The following TNNI3K variants were observed in gnomAD, a reference collection of about 807,000 sequenced individuals.
TNNI3K encodes TNNI3 interacting kinase, also known as serine/threonine-protein kinase TNNI3K.
TNNI3K carries 140 observed loss-of-function variants against 114.5 expected under a neutral mutation model. That is an observed-to-expected ratio of 1.22 (90% CI 1.07 to 1.41). TNNI3K has a LOEUF of 1.41. Ranked by LOEUF, TNNI3K falls within the 40% of genes most tolerant of loss-of-function variation. The pLI is 0.00. For synonymous variants in TNNI3K, 347 were observed against 347.5 expected (o/e 1.00, Z 0.02); for missense variants, 1,125 against 1,007.6 (o/e 1.12, Z -1.58).
At chr1:74,314,610 C>T (rs143181943) in intron 5 of TNNI3K, among the ~76,000 whole-genome samples, 39 of 152,218 alleles carry the variant, frequency 2.6e-4, no homozygotes, top group African/African-American at 9.1e-4. Context: ...ACCCTAAGTA[C>T]AGCATCCTTT....
chr1:74,401,798 CT>C (rs920794493), intron 17 of TNNI3K: 5 of 447,322 alleles, frequency 1.1e-5, no homozygotes, highest in Non-Finnish European at 2.2e-5. Context: ...ATTCAAATCT[CT>C]TCTTATTTTA....
intron 5 of TNNI3K, among the ~76,000 whole-genome samples, chr1:74,326,942 G>A (rs761308028): frequency 1.1e-4 from 16 of 152,088 alleles, no homozygotes; most frequent in Admixed American, 6.5e-4. Context: ...TTAGCTGGGC[G>A]TGGTGGTGCA....
intron 4 of TNNI3K, among the ~76,000 whole-genome samples, chr1:74,260,649 T>G (rs898390926): frequency 2.0e-5 from 3 of 152,252 alleles, no homozygotes; most frequent in Admixed American, 1.3e-4. Flanking sequence ...ACTCTAACTT[T>G]GACAAACATT....
intron 23 of TNNI3K, among the ~76,000 whole-genome samples, chr1:74,518,942 T>C (rs1372787710): frequency 9.4e-6 from 1 of 106,106 alleles, no homozygotes; most frequent in East Asian, 2.8e-4. Context: ...GCAGGTTAGT[T>C]ACATATGTAT....
At chr1:74,245,328 G>T (rs1654488292) in intron 2 of TNNI3K, among the ~76,000 whole-genome samples, 1 of 152,166 alleles carries the variant, frequency 6.6e-6, no homozygotes, top group Admixed American at 6.5e-5. Flanking sequence ...TTCTATTAAT[G>T]AAATCCTTGT....
intron 17 of TNNI3K, among the ~76,000 whole-genome samples, chr1:74,380,240 G>A (rs757819538): frequency 1.3e-5 from 2 of 152,080 alleles, no homozygotes; most frequent in Non-Finnish European, 2.9e-5. Context: ...CTGTATAACA[G>A]CACAGAAAGG....
chr1:74,352,553 C>G (rs1433552059), intron 9 of TNNI3K, among the ~76,000 whole-genome samples: 2 of 152,192 alleles, frequency 1.3e-5, no homozygotes, highest in African/African-American at 4.8e-5. Flanking sequence ...TTGTCTGTGC[C>G]GTGCCCCCAG....
At position 74,512,007 on chromosome 1, in the gene TNNI3K, G is replaced by A. The variant is rs147427888; in HGVS notation, c.2351+19741G>A. Among the ~76,000 whole-genome samples, 233 of 152,314 alleles carry A rather than the reference G, an allele frequency of 1.5e-3. 3 individuals carry two copies. In the East Asian group the frequency reaches 0.031, roughly 20 times the overall value. On this transcript the variant is annotated intron_variant, in intron 23 of 24. Transcript: ENST00000326637. Reference sequence around the variant, plus strand: ...TAAGTTCAGTACCCAAGGAAAATCGGAAGGAAGAGGGCAGCTTTCCTTCAT... The same window carrying A: ...TAAGTTCAGTACCCAAGGAAAATCGAAAGGAAGAGGGCAGCTTTCCTTCAT...
intron 19 of TNNI3K, 25 bp from the exon 20 acceptor site, chr1:74,439,465 C>T: frequency 6.2e-7 from 1 of 1,604,546 alleles, no homozygotes. Flanking sequence ...TGGTAAATGG[C>T]TTGTGGATGT....
intron 17 of TNNI3K, among the ~76,000 whole-genome samples, chr1:74,435,108 A>G (rs1251357625): frequency 2.6e-5 from 4 of 152,096 alleles, no homozygotes; most frequent in Non-Finnish European, 5.9e-5. Flanking sequence ...TTTACAAGCC[A>G]AATGTAAAAT....
In TNNI3K at chr1:74,492,191, A is replaced by T. The variant is rs1669114228; in HGVS notation, c.2276A>T (p.His759Leu). ...AACCGGGGAGGACCTGGCCGGAGTCATGTGGCAGCATTAAGAAGTCGTTTC... is the reference window on the plus strand; with the variant it reads ...AACCGGGGAGGACCTGGCCGGAGTCTTGTGGCAGCATTAAGAAGTCGTTTC... ...LVNRGGPGRSHVAALRSRFEL... is the reference protein window; with the variant it reads ...LVNRGGPGRSLVAALRSRFEL... Residue 759 changes from histidine to leucine, a missense_variant, in exon 23 of 25, where the codon CAT (histidine) becomes CTT (leucine). By Grantham distance (99) the His-to-Leu change is moderately conservative. Coordinates refer to ENST00000326637, the MANE Select transcript of TNNI3K (RefSeq NM_015978.3). 1.2e-6 allele frequency: 2 copies of T among 1,613,068 alleles called. No homozygotes were observed.
At chr1:74,299,120 CAG>C (rs1658163544) in intron 5 of TNNI3K, among the ~76,000 whole-genome samples, 1 of 152,006 alleles carries the variant, frequency 6.6e-6, no homozygotes, top group Admixed American at 6.6e-5. Context: ...GTGGGAAAAA[CAG>C]AAATTAAAAA....
chr1:74,471,261 C>A (rs1570663484), intron 21 of TNNI3K: 4 of 400,696 alleles, frequency 1.0e-5, no homozygotes, highest in South Asian at 1.3e-4. Flanking sequence ...GTTTCAGAGG[C>A]AGCCTCTTTG....
intron 21 of TNNI3K, among the ~76,000 whole-genome samples, chr1:74,467,450 A>T (rs1037931717): frequency 6.6e-6 from 1 of 151,956 alleles, no homozygotes; most frequent in African/African-American, 2.4e-5. Flanking sequence ...GGAGAGTAAG[A>T]AGAATAGTCT....
intron 17 of TNNI3K, among the ~76,000 whole-genome samples, chr1:74,382,579 G>A (rs1372734359): frequency 6.6e-6 from 1 of 152,158 alleles, no homozygotes; most frequent in Admixed American, 6.6e-5. Context: ...GTCCCTTTCT[G>A]AAAGATGCAG....
rs753433366 is a variant in TNNI3K, at chr1:74,439,627, G to A, written c.2011+5G>A. On this transcript the variant is annotated splice_donor_5th_base_variant and intron_variant, in intron 20 of 24. Transcript: ENST00000326637. ...CATTCGCTCATCTCAAGCCAGGTAA[G>A]ACACACTGCAATTGAAGTTTTCCTG... 1 of 1,612,304 alleles carries A rather than the reference G, an allele frequency of 6.2e-7. No homozygotes were observed. The highest frequency in any genetic ancestry group is 1.3e-5 in the African/African-American group (1 of 74,796).
chr1:74,532,358 G>T (rs1646599143), intron 23 of TNNI3K, among the ~76,000 whole-genome samples: 1 of 152,118 alleles, frequency 6.6e-6, no homozygotes, highest in Non-Finnish European at 1.5e-5. Flanking sequence ...ATCTTTATGT[G>T]CAAATAATCC....
chr1:74,374,332 T>A (rs1175352773), intron 17 of TNNI3K: 1 of 151,894 alleles, frequency 6.6e-6, no homozygotes, highest in Non-Finnish European at 1.5e-5. Flanking sequence ...TGAAAGGAGC[T>A]TTGCTAAGTT....
chr1:74,404,248 C>G (rs1664505816), intron 17 of TNNI3K, among the ~76,000 whole-genome samples: 1 of 152,142 alleles, frequency 6.6e-6, no homozygotes, highest in African/African-American at 2.4e-5. Flanking sequence ...CCAAACCTAT[C>G]AAGACCCACA....
Sources: gnomAD v4.1 joint callset for allele counts (sites outside exome capture counted in the v4.1 genomes callset) on GRCh38, gnomAD v4.1.1 for gene constraint, MANE v1.5 for transcripts, NCBI Gene and HGNC (gene_info 2026-07-23, HGNC 2026-07-21) for gene names.